The following RYR2 variants were observed in gnomAD, a reference collection of about 807,000 sequenced individuals.
The protein encoded by RYR2 is ryanodine receptor 2.
A neutral mutation model predicts 601.1 loss-of-function variants in RYR2; 227 were observed. The ratio of observed to expected loss-of-function variants is 0.38; its 90% CI spans 0.34 to 0.42. RYR2 has a LOEUF of 0.42. Ranked by LOEUF, RYR2 falls within the 10% of genes least tolerant of loss-of-function variation. The pLI is 1.00. For synonymous variants in RYR2, 2,223 were observed against 2,175.1 expected (o/e 1.02, Z -0.61); for missense variants, 4,646 against 6,156.5 (o/e 0.75, Z 8.21).
intron 3 of RYR2, among the ~76,000 whole-genome samples, chr1:237,346,794 A>T (rs1261879181): frequency 6.6e-6 from 1 of 152,226 alleles, no homozygotes; most frequent in Non-Finnish European, 1.5e-5. Context: ...CTGATGGAGA[A>T]AAGACTTTGT....
rs1295658945 is a variant in RYR2 at position 237,465,110 on chromosome 1, ACACG to A, written c.1613-3979_1613-3976del. ...CACATGCACACACACACACACACACACACGCATGCATGCACGATGTTCAGGAGGT... is the reference window on the plus strand; with the variant it reads ...CACATGCACACACACACACACACACACATGCATGCACGATGTTCAGGAGGT... On this transcript the variant is annotated intron_variant, in intron 16 of 104. Transcript: ENST00000366574. Among the ~76,000 whole-genome samples, 4 of 142,760 alleles carry A rather than the reference ACACG, an allele frequency of 2.8e-5. No individual in the cohort carries two copies. The East Asian group carries it at 8.7e-4, about 31-fold the overall frequency. The allele number at this position is 142,760 out of a possible 152,430, so 93.7% of individuals were successfully genotyped here. A position where few individuals can be genotyped will look rare whatever the true frequency, so the allele number is the denominator to read the frequency against.
At chr1:237,279,384 T>G (rs942072107) in intron 2 of RYR2, among the ~76,000 whole-genome samples, 3 of 152,178 alleles carry the variant, frequency 2.0e-5, no homozygotes, top group Non-Finnish European at 2.9e-5. Flanking sequence ...AATAAGTACT[T>G]AAAAAATAAT....
chr1:237,518,251 T>C lies in RYR2; in HGVS notation c.2822+6460T>C, dbSNP rs570094903. On this transcript the variant is annotated intron_variant, in intron 24 of 104. Coordinates refer to ENST00000366574, the MANE Select transcript of RYR2 (RefSeq NM_001035.3). ...ACACCCTAGATACTCTCTTTTCTATTGTTTTTTTTTGCCTTTTTAAAAATT... is the reference window on the plus strand; with the variant it reads ...ACACCCTAGATACTCTCTTTTCTATCGTTTTTTTTTGCCTTTTTAAAAATT... 1.9e-4 allele frequency among the ~76,000 whole-genome samples: 27 copies of C among 141,558 alleles called. No homozygotes were observed. In the East Asian group the frequency reaches 3.9e-3, roughly 20 times the overall value. The allele number at this position is 141,558 out of a possible 152,430, so 92.9% of individuals were successfully genotyped here. A position where few individuals can be genotyped will look rare whatever the true frequency, so the allele number is the denominator to read the frequency against.
chr1:237,637,761 T>C (rs938788433), intron 44 of RYR2, among the ~76,000 whole-genome samples: 6 of 152,246 alleles, frequency 3.9e-5, no homozygotes, highest in African/African-American at 1.4e-4. Context: ...TTGCAATTTA[T>C]GACTTTGATA....
At position 237,759,859 on chromosome 1, in the gene RYR2, A is replaced by T. The variant is rs765365656; in HGVS notation, c.11402+7A>T. 2.5e-6 allele frequency: 4 copies of T among 1,587,928 alleles called. No individual in the cohort carries two copies. In the South Asian group the frequency reaches 4.5e-5, roughly 18 times the overall value. The stretch of plus-strand genomic sequence containing the variant: ...GCCTGATGCAGTCATGTAGGTAAGG[A>T]CTCACTTCCTTCTTGGGGGTTCTAC... On this transcript the variant is annotated splice_region_variant and intron_variant, in intron 83 of 104. Transcript: ENST00000366574.
intron 23 of RYR2, among the ~76,000 whole-genome samples, chr1:237,508,638 TAA>T (rs966831048): frequency 1.3e-4 from 20 of 151,618 alleles, no homozygotes; most frequent in African/African-American, 4.1e-4. Flanking sequence ...GACTAAAATA[TAA>T]AGTCTCACTA....
intron 4 of RYR2, among the ~76,000 whole-genome samples, chr1:237,363,206 A>G (rs916938674): frequency 6.6e-6 from 1 of 152,048 alleles, no homozygotes; most frequent in Non-Finnish European, 1.5e-5. Context: ...TTCTTTAGTG[A>G]TATCTCTACC....
rs776702428 is a variant in RYR2 at position 237,594,886 on chromosome 1, GTTTTTTTTTTT to G, written c.4437-577_4437-567del. On this transcript the variant is annotated intron_variant, in intron 33 of 104. Coordinates refer to ENST00000366574, the MANE Select transcript of RYR2 (RefSeq NM_001035.3). ...TGGCATTTGTGGTTAATATCACTGG[GTTTTTTTTTTT>G]TTTTTTTTTTTTTTTTTTTTTTTTT... Among the ~76,000 whole-genome samples the G allele has an allele frequency of 2.4e-3, 143 of 60,400 alleles. 6 individuals carry two copies. Among genetic ancestry groups the G allele is most frequent in the African/African-American group, 0.013 (133 of 10,470 alleles). The allele number at this position is 60,400 out of a possible 152,430, so 39.6% of individuals were successfully genotyped here.
chr1:237,811,166 C>G (rs959464045), intron 100 of RYR2, among the ~76,000 whole-genome samples: 5 of 152,002 alleles, frequency 3.3e-5, no homozygotes, highest in African/African-American at 1.2e-4. Flanking sequence ...TCAGTTATTC[C>G]CACAATTAGT....
intron 4 of RYR2, among the ~76,000 whole-genome samples, chr1:237,361,572 C>A (rs993983598): frequency 2.0e-5 from 3 of 152,096 alleles, no homozygotes; most frequent in African/African-American, 7.2e-5. Flanking sequence ...GGCAAGCCTC[C>A]AAATGTATGG....
At chr1:237,169,846 G>A (rs1321964695) in intron 1 of RYR2, among the ~76,000 whole-genome samples, 2 of 132,700 alleles carry the variant, frequency 1.5e-5, no homozygotes, top group African/African-American at 4.9e-5. Flanking sequence ...TTCTAAGCAT[G>A]TGGATCTCCT....
At chr1:237,770,292 TCAA>T (rs1694170024) in intron 84 of RYR2, among the ~76,000 whole-genome samples, 1 of 152,168 alleles carries the variant, frequency 6.6e-6, no homozygotes, top group Non-Finnish European at 1.5e-5. Flanking sequence ...AACAAGTTAA[TCAA>T]CAATTTTCTA....
chr1:237,680,322 T>G lies in RYR2; in HGVS notation c.8896-134T>G, dbSNP rs1046935799. 2.0e-5 allele frequency: 12 copies of G among 607,530 alleles called. 1 individual carries two copies. In the Middle Eastern group the frequency reaches 8.0e-4, roughly 40 times the overall value. 37.6% of individuals were successfully genotyped at this position (607,530 alleles called of 1,614,324 possible). A position where few individuals can be genotyped will look rare whatever the true frequency, so the allele number is the denominator to read the frequency against. On this transcript the variant is annotated intron_variant, in intron 61 of 104. Transcript: ENST00000366574. The stretch of plus-strand genomic sequence containing the variant: ...AGAGTGAGATTTAAGAGAGGCATAC[T>G]ATGACGTGCCTGGCATGGACATAAG...
Position 237,647,432 on chromosome 1 carries a change from G to A in RYR2, c.7343-1012G>A, listed in dbSNP as rs374466191. Among the ~76,000 whole-genome samples the A allele has an allele frequency of 4.6e-5, 7 of 152,292 alleles. No individual in the cohort carries two copies. In the East Asian group the frequency reaches 1.4e-3, roughly 29 times the overall value. ...ATTCTTATAATGTAAGGAAAGGAAT[G>A]TATTAGTTATATTGGGTGTTATAAT... is the stretch of plus-strand genomic sequence containing the variant. On this transcript the variant is annotated intron_variant, in intron 48 of 104. Transcript: ENST00000366574.
intron 1 of RYR2, among the ~76,000 whole-genome samples, chr1:237,229,766 A>C (rs1314586751): frequency 6.6e-6 from 1 of 152,160 alleles, no homozygotes; most frequent in Non-Finnish European, 1.5e-5. Context: ...CAGAATAAAA[A>C]CCAGAGGGCT....
chr1:237,141,941 A>T (rs1009131132), intron 1 of RYR2, among the ~76,000 whole-genome samples: 1 of 152,188 alleles, frequency 6.6e-6, no homozygotes, highest in East Asian at 1.9e-4. Flanking sequence ...AAGTCATGTA[A>T]CTTTCAGTTA....
At chr1:237,502,724 A>G (rs541232580) in intron 21 of RYR2, among the ~76,000 whole-genome samples, 34 of 152,138 alleles carry the variant, frequency 2.2e-4, no homozygotes, top group African/African-American at 7.7e-4. Context: ...GGTTCCTAAC[A>G]GGCCGCGGAC....
chr1:237,163,171 G>T (rs1676228165), intron 1 of RYR2, among the ~76,000 whole-genome samples: 1 of 152,120 alleles, frequency 6.6e-6, no homozygotes, highest in Admixed American at 6.5e-5. Context: ...CTGATTTTGG[G>T]AATCCACCGT....
intron 17 of RYR2, among the ~76,000 whole-genome samples, chr1:237,483,207 T>G (rs1397349011): frequency 6.6e-6 from 1 of 152,224 alleles, no homozygotes; most frequent in African/African-American, 2.4e-5. Flanking sequence ...CCATTCAGCA[T>G]TTCTCTACCT....
Sources: gnomAD v4.1 joint callset for allele counts (sites outside exome capture counted in the v4.1 genomes callset) on GRCh38, gnomAD v4.1.1 for gene constraint, MANE v1.5 for transcripts, NCBI Gene and HGNC (gene_info 2026-07-23, HGNC 2026-07-21) for gene names.